Variants in LMBRD1 observed in about 807,000 individuals in gnomAD.
LMBRD1 encodes the protein lysosomal cobalamin transport escort protein LMBD1.
Under a neutral mutation model 74.8 loss-of-function variants are expected in LMBRD1, and 64 were observed. The ratio of observed to expected loss-of-function variants is 0.86; its 90% CI spans 0.70 to 1.05. The LOEUF is 1.05. LMBRD1 is among the 50% of genes least tolerant of loss of function. The pLI, the probability that LMBRD1 is intolerant of heterozygous loss-of-function variation, is 0.00. For synonymous variants in LMBRD1, 204 were observed against 216.3 expected, an observed-to-expected ratio of 0.94 and a Z score of 0.50; for missense variants, 652 against 645.9, an observed-to-expected ratio of 1.01 and a Z score of -0.10.
chr6:69,743,245 A>C (rs1474872687), intron 5 of LMBRD1, among the ~76,000 whole-genome samples: 1 of 152,198 alleles, frequency 6.6e-6, no homozygotes, highest in Non-Finnish European at 1.5e-5. Flanking sequence ...GTGGGAAAAC[A>C]AAAATTTCTA....
At chr6:69,753,895 C>T (rs1765216874) in intron 3 of LMBRD1, among the ~76,000 whole-genome samples, 2 of 151,116 alleles carry the variant, frequency 1.3e-5, no homozygotes, top group African/African-American at 4.9e-5. Flanking sequence ...GAGCCGAGAT[C>T]GCGCCACTGC....
intron 9 of LMBRD1, among the ~76,000 whole-genome samples, chr6:69,707,461 T>G (rs1766284648): frequency 6.6e-6 from 1 of 152,212 alleles, no homozygotes; most frequent in South Asian, 2.1e-4. Flanking sequence ...TGTGTCCTTC[T>G]TTGTTACAAT....
At chr6:69,753,736 C>G (rs1294406710) in intron 3 of LMBRD1, among the ~76,000 whole-genome samples, 1 of 151,990 alleles carries the variant, frequency 6.6e-6, no homozygotes, top group Non-Finnish European at 1.5e-5. Context: ...TACAGGAGAT[C>G]GAGACCATCC....
At chr6:69,691,727 T>C in intron 14 of LMBRD1, among the ~76,000 whole-genome samples, 1 of 151,752 alleles carries the variant, frequency 6.6e-6, no homozygotes, top group East Asian at 1.9e-4. Flanking sequence ...ATACAAAAAA[T>C]TAGCTGGGCG....
chr6:69,770,006 G>T (rs866356305), intron 3 of LMBRD1, among the ~76,000 whole-genome samples: 3 of 152,082 alleles, frequency 2.0e-5, no homozygotes, highest in African/African-American at 7.2e-5. Flanking sequence ...TCCTACACAC[G>T]TGTAGAGCCT....
intron 14 of LMBRD1, among the ~76,000 whole-genome samples, chr6:69,690,333 G>A (rs1034497589): frequency 3.9e-5 from 6 of 151,916 alleles, no homozygotes; most frequent in Non-Finnish European, 8.8e-5. Flanking sequence ...TTTAATGAAC[G>A]ACTCAAACAA....
At chr6:69,772,884 A>T (rs901156613) in intron 3 of LMBRD1, among the ~76,000 whole-genome samples, 1 of 152,210 alleles carries the variant, frequency 6.6e-6, no homozygotes, top group African/African-American at 2.4e-5. Flanking sequence ...GCACTAACAG[A>T]GAAAATTTCT....
At chr6:69,731,070 A>G (rs1766845048) in intron 7 of LMBRD1, among the ~76,000 whole-genome samples, 1 of 152,104 alleles carries the variant, frequency 6.6e-6, no homozygotes, top group South Asian at 2.1e-4. Context: ...ATGAGCGAAA[A>G]CATGTGAAAC....
chr6:69,688,089 C>G (rs924503445), intron 14 of LMBRD1, among the ~76,000 whole-genome samples: 5 of 152,072 alleles, frequency 3.3e-5, no homozygotes, highest in African/African-American at 9.7e-5. Flanking sequence ...GCTCACAGTA[C>G]CACAGAAGGT....
Position 69,796,847 on chromosome 6 carries a change from A to G in LMBRD1, c.35T>C (p.Val12Ala). Residue 12 changes from valine (V) to alanine (A), a missense_variant, in exon 1 of 16, where the codon GTG becomes GCG. Around this residue, in one of 3 missense-constraint regions of LMBRD1, gnomAD observed 598 missense variants for 581.8 expected, o/e 1.03. Transcript: ENST00000649934. ...GAGGCCGAATATGCACCAGCCGATC[A>G]CCAGCTCCGCCGAGGCCGCGCCAGA... ...ATSGAASAEL[V>A]IGWCIFGLLL... 1 of 1,613,636 alleles carries G rather than the reference A, an allele frequency of 6.2e-7. No homozygotes were observed. Among genetic ancestry groups the G allele is most frequent in the Non-Finnish European group, 8.5e-7 (1 of 1,179,838 alleles).
intron 3 of LMBRD1, among the ~76,000 whole-genome samples, chr6:69,777,731 T>C (rs1765735939): frequency 6.6e-6 from 1 of 152,094 alleles, no homozygotes; most frequent in African/African-American, 2.4e-5. Context: ...GATAAGATTT[T>C]GAATGTAAAA....
chr6:69,723,596 A>G (rs1257600765), intron 7 of LMBRD1, among the ~76,000 whole-genome samples: 2 of 152,124 alleles, frequency 1.3e-5, no homozygotes, highest in Non-Finnish European at 2.9e-5. Context: ...AAATTAAAAA[A>G]GAAATTGAAA....
chr6:69,706,126 C>T lies in LMBRD1; in HGVS notation c.916-4173G>A, dbSNP rs542710210. ...ACCAAATAGATAGTTCCAGGGCCTC[C>T]GGGGGTTTATGTCCATGTCCATCAA... On this transcript the variant is annotated intron_variant, in intron 9 of 15. Transcript: ENST00000649934. 1.3e-3 allele frequency: 778 copies of T among 578,254 alleles called. 8 individuals are homozygous for T. The highest frequency in any genetic ancestry group is 0.01 in the South Asian group (653 of 62,308). The allele number at this position is 578,254 out of a possible 1,614,324, so 35.8% of individuals were successfully genotyped here.
chr6:69,684,645 G>A (rs1393866030), intron 14 of LMBRD1, among the ~76,000 whole-genome samples: 1 of 152,008 alleles, frequency 6.6e-6, no homozygotes, highest in Non-Finnish European at 1.5e-5. Context: ...AAAACTAAGG[G>A]CTTGGGAGAA....
intron 14 of LMBRD1, among the ~76,000 whole-genome samples, chr6:69,686,618 C>G (rs1183714243): frequency 7.8e-6 from 1 of 128,140 alleles, no homozygotes; most frequent in African/African-American, 2.7e-5. Flanking sequence ...TCCCTTCTCT[C>G]TCTGTCTCTC....
chr6:69,719,481 T>A (rs958247134), intron 7 of LMBRD1, among the ~76,000 whole-genome samples: 1 of 152,138 alleles, frequency 6.6e-6, no homozygotes, highest in Admixed American at 6.6e-5. Context: ...AAAATAAGTA[T>A]TTTAATATAT....
chr6:69,779,801 G>C (rs927702567), intron 3 of LMBRD1, among the ~76,000 whole-genome samples: 14 of 152,114 alleles, frequency 9.2e-5, no homozygotes, highest in African/African-American at 3.4e-4. Flanking sequence ...TCTCATATGT[G>C]GTTTCAAAAT....
intron 3 of LMBRD1, among the ~76,000 whole-genome samples, chr6:69,757,152 G>A (rs1562114837): frequency 6.6e-6 from 1 of 152,094 alleles, no homozygotes; most frequent in African/African-American, 2.4e-5. Context: ...AGAAACATGA[G>A]AAACAGATGA....
intron 13 of LMBRD1, 135 bp downstream of exon 13, chr6:69,698,908 A>T (rs1264402193): frequency 3.1e-6 from 2 of 646,626 alleles, no homozygotes; most frequent in Non-Finnish European, 5.2e-6. Flanking sequence ...AATAGAAATA[A>T]AAAACCAGTT....
Sources: gnomAD v4.1 joint callset for allele counts (sites outside exome capture counted in the v4.1 genomes callset) on GRCh38, gnomAD v4.1.1 for gene constraint, gnomAD v4.1.1 regional missense constraint, MANE v1.5 for transcripts, NCBI Gene and HGNC (gene_info 2026-07-23, HGNC 2026-07-21) for gene names.